The following SMG1 variants were observed in gnomAD, a reference collection of about 807,000 sequenced individuals.
SMG1 encodes serine/threonine-protein kinase SMG1.
In SMG1, 22 loss-of-function variants were observed where a neutral mutation model predicts 419.9. The ratio of observed to expected loss-of-function variants is 0.05; its 90% confidence interval spans 0.04 to 0.07. The LOEUF (loss-of-function observed/expected upper bound fraction) is 0.07. Among genes scored for constraint, SMG1 ranks in the 10% least tolerant of loss-of-function variants. The probability of loss-of-function intolerance (pLI) is 1.00; values close to 1 mark genes in which losing one functional copy is unlikely to be tolerated. For missense variants in SMG1, 3,185 were observed against 4,342.0 expected (o/e 0.73, Z 7.49); for synonymous variants, 1,538 against 1,553.5 (o/e 0.99, Z 0.23).
intron 1 of SMG1, among the ~76,000 whole-genome samples, chr16:18,920,535 A>C (rs2038157166): frequency 6.6e-6 from 1 of 151,218 alleles, no homozygotes; most frequent in East Asian, 2.0e-4. Context: ...ACAAAAAAAT[A>C]AAAATAAAAA....
In SMG1 at chr16:18,841,704, G is replaced by T. The variant is rs1326018121; in HGVS notation, c.6557C>A (p.Pro2186His). 6.2e-7 allele frequency: 1 copy of T among 1,613,912 alleles called. No individual in the cohort carries two copies. Among genetic ancestry groups the T allele is most frequent in the Non-Finnish European group, 8.5e-7 (1 of 1,179,882 alleles). ...MFATINRQET[P>H]RFHARHYSVT... ...AGAATAGTGTCGAGCATGGAACCGGGGTGTTTCTTGGCGATTAATTGTAGC... is the reference window on the plus strand; with the variant it reads ...AGAATAGTGTCGAGCATGGAACCGGTGTGTTTCTTGGCGATTAATTGTAGC... The change falls in exon 41 of 63, where the codon CCC (proline) becomes CAC (histidine). Residue 2186 changes from proline (P) to histidine (H), a missense_variant. Physicochemically the swap from Pro to His is moderately conservative, Grantham distance 77. Coordinates refer to ENST00000446231, the MANE Select transcript of SMG1 (RefSeq NM_015092.5).
At chr16:18,919,676 ACACACACACACACAC>A (rs2038117827) in intron 1 of SMG1, among the ~76,000 whole-genome samples, 1 of 149,070 alleles carries the variant, frequency 6.7e-6, no homozygotes, top group Non-Finnish European at 1.5e-5. Context: ...ACACACACAC[ACACACACACACACAC>A]ACACACACAA....
intron 1 of SMG1, among the ~76,000 whole-genome samples, chr16:18,905,378 T>A (rs1395444798): frequency 1.3e-5 from 2 of 152,178 alleles, no homozygotes; most frequent in Admixed American, 6.6e-5. Flanking sequence ...TGCCTTCACT[T>A]ACTTTTTAAC....
Position 18,853,737 on chromosome 16 carries a change from C to A in SMG1, c.4614G>T (p.Glu1538Asp). The A allele has an allele frequency of 6.2e-7, 1 of 1,613,986 alleles. No individual in the cohort carries two copies. Among genetic ancestry groups the A allele is most frequent in the Non-Finnish European group, 8.5e-7 (1 of 1,179,876 alleles). ...LAKWIQAEWK[E>D]ISGQLKQVYR... ...AAACCTGTTTCAGCTGTCCTGAAATCTCTTTCCATTCTGCCTGGATCCATT... is the reference window on the plus strand; with the variant it reads ...AAACCTGTTTCAGCTGTCCTGAAATATCTTTCCATTCTGCCTGGATCCATT... Residue 1538 changes from glutamate to aspartate, a missense_variant, in exon 31 of 63, where the codon GAG becomes GAT. Around this residue, in one of 27 missense-constraint regions of SMG1, gnomAD observed 493 missense variants for 552.9 expected, o/e 0.89. Transcript: ENST00000446231.
At position 18,817,373 on chromosome 16, in the gene SMG1, T is replaced by C. The variant is rs1257601975; in HGVS notation, c.9992A>G (p.Lys3331Arg). Residue 3331 changes from lysine (K) to arginine (R), a missense_variant, in exon 57 of 63, where the codon AAG (lysine) becomes AGG (arginine). Around this residue, in one of 27 missense-constraint regions of SMG1, gnomAD observed 737 missense variants for 846.6 expected, o/e 0.87. Transcript: ENST00000446231. Reference protein sequence around the residue: ...NLDAALFELIKRCQQMCSFAS... With the variant: ...NLDAALFELIRRCQQMCSFAS... The stretch of plus-strand genomic sequence containing the variant: ...AAACGAACACATCTGCTGACATCGC[T>C]TGATTAGTTCAAATAACGCCGCATC... 2 of 1,611,546 alleles carry C rather than the reference T, an allele frequency of 1.2e-6. No individual in the cohort carries two copies. The highest frequency in any genetic ancestry group is 1.7e-6 in the Non-Finnish European group (2 of 1,178,742).
chr16:18,885,414 G>C, intron 7 of SMG1, 127 bp downstream of exon 7: 1 of 1,232,984 alleles, frequency 8.1e-7, no homozygotes, highest in African/African-American at 1.5e-5. Context: ...TTTAACCCTG[G>C]AACCTCAAAT....
intron 1 of SMG1, among the ~76,000 whole-genome samples, chr16:18,921,170 G>A (rs1244563757): frequency 9.3e-5 from 14 of 150,482 alleles, no homozygotes; most frequent in Admixed American, 2.7e-4. Context: ...GAGAGAGAGA[G>A]GAAAAATAAA....
intron 6 of SMG1, among the ~76,000 whole-genome samples, chr16:18,886,777 G>A (rs1259369933): frequency 6.6e-6 from 1 of 152,054 alleles, no homozygotes; most frequent in Non-Finnish European, 1.5e-5. Context: ...CCTCCAGCTT[G>A]GACAACAGAG....
chr16:18,891,074 A>C (rs187019464), intron 4 of SMG1, among the ~76,000 whole-genome samples, 153 bp from the exon 5 acceptor site: 1,892 of 152,340 alleles, frequency 0.012, 24 homozygotes, highest in Non-Finnish European at 0.02. Context: ...ATGTATCAGG[A>C]ATGTCATGTT....
intron 1 of SMG1, among the ~76,000 whole-genome samples, chr16:18,922,486 G>A (rs1184285273): frequency 6.6e-6 from 1 of 152,146 alleles, no homozygotes; most frequent in African/African-American, 2.4e-5. Context: ...CATTCTTTGA[G>A]AAGGAGTCTT....
intron 11 of SMG1, 62 bp downstream of exon 11, chr16:18,879,433 C>T: frequency 8.0e-7 from 1 of 1,250,566 alleles, no homozygotes; most frequent in Non-Finnish European, 1.1e-6. Flanking sequence ...TAATTTCTTA[C>T]ATATCGATTT....
chr16:18,924,672 T>TA (rs2038322871), intron 1 of SMG1, among the ~76,000 whole-genome samples: 1 of 152,190 alleles, frequency 6.6e-6, no homozygotes, highest in Non-Finnish European at 1.5e-5. Context: ...TTTTTTTTTT[T>TA]ACGACTAAAC....
In SMG1 at chr16:18,811,766, C is replaced by T; in HGVS notation, c.10903G>A (p.Glu3635Lys). ...VDPNRRMSVA[E>K]QVDYVIKEAT... is the part of the protein sequence containing the mutation. The stretch of plus-strand genomic sequence containing the variant: ...CAAGTTTAAAACACGGTCACCTGTT[C>T]AGCAACTGACATCCTCCTATTCGGA... The change falls in exon 62 of 63, where the codon GAA becomes AAA. Residue 3635 changes from glutamate (E) to lysine (K), a missense_variant. By Grantham distance (56) the Glu-to-Lys change is moderately conservative. Around this residue, in one of 27 missense-constraint regions of SMG1, gnomAD observed 41 missense variants for 78.7 expected, o/e 0.52. Coordinates refer to ENST00000446231, the MANE Select transcript of SMG1 (RefSeq NM_015092.5). 1 of 1,613,790 alleles carries T rather than the reference C, an allele frequency of 6.2e-7. No homozygotes were observed. Among genetic ancestry groups the T allele is most frequent in the Non-Finnish European group, 8.5e-7 (1 of 1,179,700 alleles).
At chr16:18,925,372 A>C (rs1249396504) in intron 1 of SMG1, 1 of 152,224 alleles carries the variant, frequency 6.6e-6, no homozygotes, top group African/African-American at 2.4e-5. Context: ...ATCGCCCAAG[A>C]CCAGCGTGGG....
Position 18,850,270 on chromosome 16 carries a change from T to G in SMG1, c.5250A>C (p.Ala1750=), listed in dbSNP as rs779447248. The change falls in exon 34 of 63, where the codon GCA becomes GCC. Residue 1750 remains alanine (A), a synonymous_variant. Coordinates refer to ENST00000446231, the MANE Select transcript of SMG1 (RefSeq NM_015092.5). ...CGTTGAGTTTAAGGAAAGTAAAGTATGCACTGCAAGAGAGTTTGTACAGGC... is the reference window on the plus strand; with the variant it reads ...CGTTGAGTTTAAGGAAAGTAAAGTAGGCACTGCAAGAGAGTTTGTACAGGC... ...IFSLYKLSCS[A]YFTFLKLNAG... The G allele has an allele frequency of 7.4e-6, 12 of 1,612,826 alleles. No individual in the cohort carries two copies. Among genetic ancestry groups the G allele is most frequent in the Non-Finnish European group, 1.0e-5 (12 of 1,179,240 alleles).
intron 55 of SMG1, among the ~76,000 whole-genome samples, chr16:18,827,180 G>GTT (rs951824055): frequency 6.6e-6 from 1 of 152,016 alleles, no homozygotes; most frequent in Non-Finnish European, 1.5e-5. Context: ...CAATCCCAGT[G>GTT]TTTTGGGAGG....
Position 18,879,561 on chromosome 16 carries a change from G to T in SMG1, c.1452C>A (p.Asp484Glu). Residue 484 changes from aspartate to glutamate, a missense_variant, in exon 11 of 63, where the codon GAC (aspartate) becomes GAA (glutamate). Coordinates refer to ENST00000446231, the MANE Select transcript of SMG1 (RefSeq NM_015092.5). The part of the protein sequence containing the change: ...HCDMVITYGL[D>E]QLENCQTCGT... ...CACAAGTCTGGCAATTCTCCAGTTG[G>T]TCTAATCCATATGTAATGACCATGT... The T allele has an allele frequency of 7.8e-7, 1 of 1,290,184 alleles. No individual in the cohort carries two copies. Among genetic ancestry groups the T allele is most frequent in the South Asian group, 1.3e-5 (1 of 79,016 alleles). The allele number at this position is 1,290,184 out of a possible 1,614,324, so 79.9% of individuals were successfully genotyped here. A position where few individuals can be genotyped will look rare whatever the true frequency, so the allele number is the denominator to read the frequency against.
chr16:18,827,061 T>C (rs1596472694), intron 55 of SMG1, among the ~76,000 whole-genome samples: 1 of 151,892 alleles, frequency 6.6e-6, no homozygotes, highest in East Asian at 1.9e-4. Context: ...CTCGGAGATA[T>C]TTAGTATGTT....
chr16:18,882,406 A>G (rs2036439318), intron 9 of SMG1, 68 bp from the exon 10 acceptor site: 1 of 835,134 alleles, frequency 1.2e-6, no homozygotes, highest in Non-Finnish European at 1.7e-6. Flanking sequence ...AAAAAACTCT[A>G]AAATATTTCA....
Sources: allele counts gnomAD v4.1 joint callset (sites outside exome capture counted in the v4.1 genomes callset), GRCh38; gene constraint gnomAD v4.1.1; regional missense constraint gnomAD v4.1.1; transcripts MANE v1.5; gene names NCBI Gene and HGNC (gene_info 2026-07-23, HGNC 2026-07-21).